The following LINGO2 variants were observed in gnomAD, a reference collection of about 807,000 sequenced individuals.
LINGO2 encodes the protein leucine rich repeat and Ig domain containing 2.
LINGO2 carries 14 observed loss-of-function variants against 30.6 expected under a neutral mutation model. The observed-to-expected ratio is 0.46, with a 90% CI of 0.30 to 0.72. The LOEUF is 0.72. Among genes scored for constraint, LINGO2 ranks in the 30% least tolerant of loss-of-function variants. The probability of loss-of-function intolerance (pLI) is 0.07; values close to 1 mark genes in which losing one functional copy is unlikely to be tolerated. For missense variants in LINGO2, 729 were observed against 751.7 expected (o/e 0.97, Z 0.35); for synonymous variants, 317 against 288.5 (o/e 1.10, Z -1.00).
At chr9:28,839,963 T>C in the LINGO2 span, among the ~76,000 whole-genome samples, 1 of 152,232 alleles carries the variant, frequency 6.6e-6, no homozygotes, top group East Asian at 1.9e-4. Context: ...TCTCAAGAGC[T>C]TGAGGCTGCA....
At chr9:28,149,286 G>C (rs946220043) in intron 4 of LINGO2, 3 of 600,150 alleles carry the variant, frequency 5.0e-6, no homozygotes, top group African/African-American at 3.7e-5. Context: ...TCAAGAGATT[G>C]AGACCTGAGG....
intron 4 of LINGO2, among the ~76,000 whole-genome samples, chr9:28,040,383 C>T (rs1447757595): frequency 6.6e-6 from 1 of 151,492 alleles, no homozygotes; most frequent in Non-Finnish European, 1.5e-5. Flanking sequence ...AATGTAACTT[C>T]CTTCTCAACT....
At chr9:29,160,037 G>A in the LINGO2 span, among the ~76,000 whole-genome samples, 1 of 152,180 alleles carries the variant, frequency 6.6e-6, no homozygotes, top group Non-Finnish European at 1.5e-5. Flanking sequence ...AGAATCTGGT[G>A]TTGAATTTAG....
rs112193736 is a variant in LINGO2 at position 28,611,410 on chromosome 9, C to G, written c.-365+58790G>C. ...TTAAATGTGAGAGAGAGCATCTACT[C>G]TCTCAGCATATTTCAAGCATACAAT... is the stretch of plus-strand genomic sequence containing the variant. On this transcript the variant is annotated intron_variant, in intron 1 of 5. Coordinates refer to ENST00000379992, the Ensembl canonical transcript of LINGO2. 5.8e-3 allele frequency among the ~76,000 whole-genome samples: 884 copies of G among 151,936 alleles called. 4 individuals are homozygous for G. The highest frequency in any genetic ancestry group is 0.015 in the South Asian group (70 of 4,808).
chr9:28,324,119 G>T (rs1441638102), intron 3 of LINGO2, among the ~76,000 whole-genome samples: 1 of 152,178 alleles, frequency 6.6e-6, no homozygotes, highest in Non-Finnish European at 1.5e-5. Flanking sequence ...CTTAGAGTCA[G>T]AAGGGGATTA....
At chr9:28,371,494 A>G (rs746645525) in intron 3 of LINGO2, among the ~76,000 whole-genome samples, 1 of 152,142 alleles carries the variant, frequency 6.6e-6, no homozygotes, top group Non-Finnish European at 1.5e-5. Context: ...CTCTTTTATA[A>G]GGGCACTAAT....
chr9:28,099,272 T>G (rs887412106), intron 4 of LINGO2, among the ~76,000 whole-genome samples: 1 of 152,152 alleles, frequency 6.6e-6, no homozygotes, highest in Non-Finnish European at 1.5e-5. Context: ...TATTTTAAAG[T>G]GCCAATTCAC....
At chr9:28,801,891 T>A in the LINGO2 span, among the ~76,000 whole-genome samples, 3,517 of 152,154 alleles carry the variant, frequency 0.023, 127 homozygotes, top group African/African-American at 0.079. Flanking sequence ...TGAAATATTA[T>A]ATTTTTATTT....
chr9:28,881,237 C>T, the LINGO2 span, among the ~76,000 whole-genome samples: 37 of 152,192 alleles, frequency 2.4e-4, no homozygotes, highest in East Asian at 5.8e-4. Context: ...GATTCTCCTG[C>T]CTCAGCCTCC....
the LINGO2 span, among the ~76,000 whole-genome samples, chr9:28,900,100 T>G: frequency 1.3e-5 from 2 of 151,950 alleles, no homozygotes; most frequent in African/African-American, 4.8e-5. Flanking sequence ...CTAGGCTCCA[T>G]GCCAATCGTC....
At chr9:28,909,497 C>A in the LINGO2 span, among the ~76,000 whole-genome samples, 1 of 151,964 alleles carries the variant, frequency 6.6e-6, no homozygotes, top group East Asian at 1.9e-4. Flanking sequence ...GTGTGATTGC[C>A]TATTGCCTAC....
At chr9:28,096,014 A>C (rs1181415200) in intron 4 of LINGO2, among the ~76,000 whole-genome samples, 1 of 152,110 alleles carries the variant, frequency 6.6e-6, no homozygotes, top group Non-Finnish European at 1.5e-5. Context: ...TGTGGTGTAC[A>C]CCTATAGTCC....
the LINGO2 span, among the ~76,000 whole-genome samples, chr9:28,911,699 G>T: frequency 5.3e-5 from 8 of 152,014 alleles, no homozygotes; most frequent in Admixed American, 3.3e-4. Flanking sequence ...ACAGAATGTT[G>T]TTCTTCTAAA....
chr9:28,202,125 G>C (rs1820258400), intron 4 of LINGO2, among the ~76,000 whole-genome samples: 1 of 152,006 alleles, frequency 6.6e-6, no homozygotes, highest in African/African-American at 2.4e-5. Context: ...CTTTTTATAA[G>C]AACACCAGTC....
chr9:28,766,347 A>G, the LINGO2 span, among the ~76,000 whole-genome samples: 3 of 151,954 alleles, frequency 2.0e-5, no homozygotes, highest in East Asian at 5.8e-4. Context: ...ATGAAAAGAT[A>G]CTTAATGTCA....
chr9:28,821,407 T>A, the LINGO2 span, among the ~76,000 whole-genome samples: 1 of 152,172 alleles, frequency 6.6e-6, no homozygotes, highest in Admixed American at 6.5e-5. Context: ...ATAATGTTCC[T>A]CCTGGTGGGA....
intron 1 of LINGO2, among the ~76,000 whole-genome samples, chr9:28,642,811 A>G (rs983925594): frequency 1.3e-5 from 2 of 152,114 alleles, no homozygotes; most frequent in Admixed American, 6.5e-5. Context: ...AGCTGGTGTG[A>G]CCGTTAGAAT....
intron 4 of LINGO2, among the ~76,000 whole-genome samples, chr9:28,098,779 C>G (rs1369085950): frequency 6.6e-6 from 1 of 152,114 alleles, no homozygotes; most frequent in Admixed American, 6.6e-5. Context: ...CAGAATATGT[C>G]AAGTGGAGCA....
intron 4 of LINGO2, among the ~76,000 whole-genome samples, chr9:28,070,786 C>T (rs1181219249): frequency 1.3e-5 from 2 of 152,044 alleles, no homozygotes; most frequent in African/African-American, 2.4e-5. Context: ...ATCACAGGTT[C>T]GCTGTAACTT....
Sources: allele counts gnomAD v4.1 joint callset (sites outside exome capture counted in the v4.1 genomes callset), GRCh38; gene constraint gnomAD v4.1.1; transcripts MANE v1.5; gene names NCBI Gene and HGNC (gene_info 2026-07-23, HGNC 2026-07-21).